Variants in DPP10 observed in about 807,000 individuals in gnomAD.
DPP10 encodes the protein inactive dipeptidyl peptidase 10.
DPP10 carries 33 observed loss-of-function variants against 120.9 expected under a neutral mutation model. That is an observed-to-expected ratio of 0.27 (90% CI 0.21 to 0.37). The LOEUF (loss-of-function observed/expected upper bound fraction) is 0.37, where lower values mean the gene tolerates loss of function less well. Ranked by LOEUF, DPP10 falls within the 10% of genes least tolerant of loss-of-function variation. The probability of loss-of-function intolerance (pLI) is 1.00; values close to 1 mark genes in which losing one functional copy is unlikely to be tolerated. For missense variants in DPP10, 816 were observed against 942.8 expected (o/e 0.87, Z 1.76); for synonymous variants, 337 against 326.1 (o/e 1.03, Z -0.36).
At chr2:115,652,423 G>A (rs998915557) in intron 5 of DPP10, among the ~76,000 whole-genome samples, 1 of 151,564 alleles carries the variant, frequency 6.6e-6, no homozygotes, top group African/African-American at 2.4e-5. Flanking sequence ...GTGTGTGTGT[G>A]TGTGTGTGTG....
chr2:115,059,291 T>C (rs1433654976), intron 1 of DPP10, among the ~76,000 whole-genome samples: 1 of 150,198 alleles, frequency 6.7e-6, no homozygotes, highest in Non-Finnish European at 1.5e-5. Flanking sequence ...TTTTAAAGAG[T>C]CCCCCTCTTT....
chr2:115,791,322 A>G lies in DPP10; in HGVS notation c.1666A>G (p.Met556Val). ...ACAGTTGTCCCTTCCCAAAGATTTT[A>G]TGGACCGAAACCAGTATGCTCTTCT... ...PLQLSLPKDFMDRNQYALLLI... is the reference protein window; with the variant it reads ...PLQLSLPKDFVDRNQYALLLI... Residue 556 changes from methionine (M) to valine (V), a missense_variant, in exon 19 of 26, where the codon ATG becomes GTG. By Grantham distance (21) the Met-to-Val change is conservative. Coordinates refer to ENST00000410059, the MANE Select transcript of DPP10 (RefSeq NM_020868.6). The G allele has an allele frequency of 3.7e-6, 6 of 1,611,880 alleles. No homozygotes were observed. Among genetic ancestry groups the G allele is most frequent in the South Asian group, 3.3e-5 (3 of 90,302 alleles).
intron 1 of DPP10, among the ~76,000 whole-genome samples, chr2:114,570,779 G>A (rs1689575348): frequency 6.8e-6 from 1 of 146,824 alleles, no homozygotes; most frequent in East Asian, 2.0e-4. Flanking sequence ...CTTGCAGTGA[G>A]CAGAGCTTGC....
intron 5 of DPP10, among the ~76,000 whole-genome samples, chr2:115,620,915 G>A (rs1407168855): frequency 6.6e-6 from 1 of 152,150 alleles, no homozygotes; most frequent in East Asian, 1.9e-4. Flanking sequence ...GTAGTATATG[G>A]GAGACATGAC....
chr2:115,165,109 G>A (rs1013529154), intron 1 of DPP10, among the ~76,000 whole-genome samples: 2 of 152,154 alleles, frequency 1.3e-5, no homozygotes, highest in African/African-American at 4.8e-5. Flanking sequence ...AACTCTAGTG[G>A]CTAATTGTAA....
intron 4 of DPP10, among the ~76,000 whole-genome samples, chr2:115,500,213 T>G (rs2076612273): frequency 6.6e-6 from 1 of 152,014 alleles, no homozygotes; most frequent in South Asian, 2.1e-4. Flanking sequence ...TTAGCTATAA[T>G]TACCTATTTG....
At chr2:115,176,721 C>G (rs2053716733) in intron 1 of DPP10, among the ~76,000 whole-genome samples, 1 of 152,166 alleles carries the variant, frequency 6.6e-6, no homozygotes, top group African/African-American at 2.4e-5. Flanking sequence ...ATCCTCACTT[C>G]AAAGATGAGG....
At chr2:114,596,322 ATAT>A (rs1691905523) in intron 1 of DPP10, among the ~76,000 whole-genome samples, 1 of 151,848 alleles carries the variant, frequency 6.6e-6, no homozygotes. Context: ...GTCCCTATAT[ATAT>A]TCATGGTGAC....
intron 21 of DPP10, among the ~76,000 whole-genome samples, chr2:115,821,756 A>G (rs1264909417): frequency 6.6e-6 from 1 of 151,966 alleles, no homozygotes; most frequent in Non-Finnish European, 1.5e-5. Context: ...TTGTATGACT[A>G]TAAAATAATT....
chr2:115,516,181 G>C (rs1436117811), intron 4 of DPP10, among the ~76,000 whole-genome samples: 1 of 152,046 alleles, frequency 6.6e-6, no homozygotes, highest in Non-Finnish European at 1.5e-5. Context: ...GATGTTCTTG[G>C]GAGACAGTAA....
At chr2:115,580,974 C>A (rs2081972113) in intron 5 of DPP10, among the ~76,000 whole-genome samples, 2 of 152,072 alleles carry the variant, frequency 1.3e-5, no homozygotes, top group African/African-American at 4.8e-5. Context: ...GAAAATGAGG[C>A]CTAGAGAGGT....
At chr2:115,147,755 A>G (rs2051311627) in intron 1 of DPP10, among the ~76,000 whole-genome samples, 2 of 152,136 alleles carry the variant, frequency 1.3e-5, no homozygotes, top group African/African-American at 2.4e-5. Flanking sequence ...TGAAGAAATC[A>G]CTTTTCATGG....
At chr2:114,906,149 T>A (rs1163521978) in intron 1 of DPP10, among the ~76,000 whole-genome samples, 3 of 151,802 alleles carry the variant, frequency 2.0e-5, no homozygotes, top group Non-Finnish European at 1.5e-5. Context: ...GAGGCCAAAG[T>A]GAGTGATTGC....
intron 7 of DPP10, among the ~76,000 whole-genome samples, chr2:115,715,873 G>A (rs1304680505): frequency 6.6e-6 from 1 of 152,120 alleles, no homozygotes; most frequent in Admixed American, 6.5e-5. Flanking sequence ...TGACAAAAAT[G>A]CTATTTTTCC....
At chr2:115,208,049 C>T (rs910260628) in intron 1 of DPP10, among the ~76,000 whole-genome samples, 1 of 152,282 alleles carries the variant, frequency 6.6e-6, no homozygotes, top group East Asian at 1.9e-4. Flanking sequence ...GGAAAATCCA[C>T]TAATCTAAGC....
intron 1 of DPP10, among the ~76,000 whole-genome samples, chr2:114,832,765 A>T (rs1192047552): frequency 6.6e-6 from 1 of 152,158 alleles, no homozygotes; most frequent in Admixed American, 6.5e-5. Flanking sequence ...GGATAAACAG[A>T]TAGTAATATA....
At chr2:115,152,186 A>G (rs2051601862) in intron 1 of DPP10, among the ~76,000 whole-genome samples, 1 of 152,260 alleles carries the variant, frequency 6.6e-6, no homozygotes, top group African/African-American at 2.4e-5. Context: ...AATATTTTAC[A>G]CTGTGTAGGC....
Position 114,889,453 on chromosome 2 carries a change from G to T in DPP10, c.61-419786G>T, listed in dbSNP as rs58159681. 3.7e-3 allele frequency among the ~76,000 whole-genome samples: 549 copies of T among 148,868 alleles called. 3 individuals carry two copies. The highest frequency in any genetic ancestry group is 0.013 in the African/African-American group (525 of 41,234). On this transcript the variant is annotated intron_variant, in intron 1 of 25. Coordinates refer to ENST00000410059, the MANE Select transcript of DPP10 (RefSeq NM_020868.6). ...ATATATACATATATATATTGCTAAT[G>T]GTAAAACTATTACATGAACCTAGCA... is the stretch of plus-strand genomic sequence containing the variant.
intron 5 of DPP10, among the ~76,000 whole-genome samples, chr2:115,610,677 C>T (rs1366384072): frequency 6.6e-6 from 1 of 152,090 alleles, no homozygotes; most frequent in African/African-American, 2.4e-5. Context: ...ATATATTGGG[C>T]AGCTTAATTT....
Sources: gnomAD v4.1 joint callset for allele counts (sites outside exome capture counted in the v4.1 genomes callset) on GRCh38, gnomAD v4.1.1 for gene constraint, MANE v1.5 for transcripts, NCBI Gene and HGNC (gene_info 2026-07-23, HGNC 2026-07-21) for gene names.